Variants in VTI1A observed in about 807,000 individuals in gnomAD.
VTI1A encodes the protein vesicle transport through interaction with t-SNAREs homolog 1A.
A neutral mutation model predicts 34.9 loss-of-function variants in VTI1A; 22 were observed. That is an observed-to-expected ratio of 0.63 (90% confidence interval 0.45 to 0.90). VTI1A has a LOEUF of 0.90. Ranked by LOEUF, VTI1A falls within the 40% of genes least tolerant of loss-of-function variation. The pLI, the probability that VTI1A is intolerant of heterozygous loss-of-function variation, is 0.00. For synonymous variants in VTI1A, 87 were observed against 97.3 expected, an observed-to-expected ratio of 0.89 and a Z score of 0.62; for missense variants, 268 against 275.6, an observed-to-expected ratio of 0.97 and a Z score of 0.20.
chr10:112,531,119 G>A (rs1310197552), intron 4 of VTI1A, among the ~76,000 whole-genome samples: 1 of 148,492 alleles, frequency 6.7e-6, no homozygotes, highest in Non-Finnish European at 1.5e-5. Flanking sequence ...GCACGTGCGC[G>A]CGCGCGCATG....
the VTI1A span, among the ~76,000 whole-genome samples, chr10:112,847,669 G>A: frequency 6.6e-6 from 1 of 152,214 alleles, no homozygotes; most frequent in Non-Finnish European, 1.5e-5. Context: ...ACCAGGCCCT[G>A]ACTTCATCTA....
intron 7 of VTI1A, among the ~76,000 whole-genome samples, chr10:112,806,629 A>G (rs1375503575): frequency 6.6e-6 from 1 of 150,934 alleles, no homozygotes; most frequent in Non-Finnish European, 1.5e-5. Context: ...TCTGTCACCC[A>G]GGCTGGAATG....
At chr10:112,665,920 A>G (rs1257459700) in intron 5 of VTI1A, among the ~76,000 whole-genome samples, 4 of 152,152 alleles carry the variant, frequency 2.6e-5, no homozygotes, top group Admixed American at 6.6e-5. Flanking sequence ...AATACCATCA[A>G]TCTGAACAGG....
At chr10:112,686,780 T>G (rs534000915) in intron 7 of VTI1A, among the ~76,000 whole-genome samples, 1 of 152,300 alleles carries the variant, frequency 6.6e-6, no homozygotes, top group South Asian at 2.1e-4. Context: ...CCCATTGATG[T>G]CTTTCTTTTC....
At chr10:112,667,059 T>C (rs1564874497) in intron 5 of VTI1A, among the ~76,000 whole-genome samples, 1 of 151,130 alleles carries the variant, frequency 6.6e-6, no homozygotes, top group African/African-American at 2.4e-5. Flanking sequence ...TACTGCTCTA[T>C]ATTTTTAGGG....
chr10:112,773,501 C>T (rs1851872051), intron 7 of VTI1A, among the ~76,000 whole-genome samples: 2 of 152,180 alleles, frequency 1.3e-5, no homozygotes, highest in South Asian at 4.1e-4. Flanking sequence ...GTGCTAGCCC[C>T]ATTCCTCCAT....
chr10:112,492,143 T>C (rs1379524222), intron 3 of VTI1A, among the ~76,000 whole-genome samples: 1 of 152,156 alleles, frequency 6.6e-6, no homozygotes, highest in East Asian at 1.9e-4. Flanking sequence ...TTCCCATTGC[T>C]AACGAAGATT....
Position 112,736,111 on chromosome 10 carries a change from G to GTATATATATATATATATATATATA in VTI1A, c.560+67117_560+67140dup, listed in dbSNP as rs372188173. On this transcript the variant is annotated intron_variant, in intron 7 of 7. Coordinates refer to ENST00000393077, the MANE Select transcript of VTI1A (RefSeq NM_145206.4). ...ATATTTTACATATATATGTGTGTGT[G>GTATATATATATATATATATATATA]TATATATATATATATATATATATAT... Among the ~76,000 whole-genome samples, 8 of 116,198 alleles carry GTATATATATATATATATATATATA rather than the reference G, an allele frequency of 6.9e-5. 1 individual carries two copies. The highest frequency in any genetic ancestry group is 2.4e-4 in the East Asian group (1 of 4,188). The allele number at this position is 116,198 out of a possible 152,430, so 76.2% of individuals were successfully genotyped here.
intron 3 of VTI1A, among the ~76,000 whole-genome samples, chr10:112,491,184 T>TA (rs1359185936): frequency 6.6e-6 from 1 of 152,154 alleles, no homozygotes; most frequent in African/African-American, 2.4e-5. Context: ...AAATGTACTC[T>TA]AAAAAAAGGA....
intron 7 of VTI1A, among the ~76,000 whole-genome samples, chr10:112,782,423 T>C (rs1375031908): frequency 1.3e-5 from 2 of 152,266 alleles, no homozygotes; most frequent in African/African-American, 2.4e-5. Flanking sequence ...AAGCGCATGC[T>C]CTTTCTCCTT....
intron 3 of VTI1A, among the ~76,000 whole-genome samples, chr10:112,481,235 C>G (rs1848449007): frequency 6.6e-6 from 1 of 152,076 alleles, no homozygotes; most frequent in Non-Finnish European, 1.5e-5. Flanking sequence ...TATTCTGTAT[C>G]AAACTATTTT....
intron 7 of VTI1A, among the ~76,000 whole-genome samples, chr10:112,721,901 C>T (rs1002500478): frequency 1.3e-5 from 2 of 152,152 alleles, no homozygotes; most frequent in African/African-American, 2.4e-5. Context: ...CTGGAAGGAT[C>T]TTGCAGAAGG....
intron 7 of VTI1A, among the ~76,000 whole-genome samples, chr10:112,717,803 A>T (rs1849662109): frequency 6.6e-6 from 1 of 152,162 alleles, no homozygotes; most frequent in Admixed American, 6.5e-5. Flanking sequence ...CCACTCTTTG[A>T]TGCAGGGGTG....
intron 3 of VTI1A, among the ~76,000 whole-genome samples, chr10:112,487,496 G>A (rs1430149693): frequency 6.6e-6 from 1 of 152,170 alleles, no homozygotes; most frequent in Non-Finnish European, 1.5e-5. Flanking sequence ...TGGCATTGTA[G>A]CATTCATTTT....
At chr10:112,694,254 C>T (rs1017901638) in intron 7 of VTI1A, among the ~76,000 whole-genome samples, 1 of 151,980 alleles carries the variant, frequency 6.6e-6, no homozygotes, top group African/African-American at 2.4e-5. Flanking sequence ...CCCTTCCCAT[C>T]TCCCTCTCCA....
rs143513894 is a variant in VTI1A at position 112,657,497 on chromosome 10, G to A, written c.428-10721G>A. ...AAATTAGATTTTTTTTAATATAAGA[G>A]GTATAAGAAGGCAGTAACTTCTTCC... On this transcript the variant is annotated intron_variant, in intron 5 of 7. Transcript: ENST00000393077. 3.2e-3 allele frequency among the ~76,000 whole-genome samples: 489 copies of A among 152,008 alleles called. 1 individual carries two copies. Among genetic ancestry groups the A allele is most frequent in the Non-Finnish European group, 4.6e-3 (314 of 67,970 alleles).
chr10:112,847,522 G>C, the VTI1A span, among the ~76,000 whole-genome samples: 1 of 152,150 alleles, frequency 6.6e-6, no homozygotes. Context: ...TTCCCATCAG[G>C]AGCAAGGAGG....
intron 2 of VTI1A, among the ~76,000 whole-genome samples, chr10:112,462,302 A>T (rs894264772): frequency 6.6e-6 from 1 of 152,260 alleles, no homozygotes; most frequent in African/African-American, 2.4e-5. Flanking sequence ...CACTGGCCAC[A>T]TAAATGTTGT....
At chr10:112,533,633 G>A (rs1850523239) in intron 4 of VTI1A, 1 of 855,718 alleles carries the variant, frequency 1.2e-6, no homozygotes, top group Admixed American at 6.2e-5. Context: ...GTGGATCTTT[G>A]GATTTGTTTT....
Sources: gnomAD v4.1 joint callset for allele counts (sites outside exome capture counted in the v4.1 genomes callset) on GRCh38, gnomAD v4.1.1 for gene constraint, MANE v1.5 for transcripts, NCBI Gene and HGNC (gene_info 2026-07-23, HGNC 2026-07-21) for gene names.